C10orf67: variants seen among roughly 807,000 people sequenced by gnomAD.
C10orf67 encodes uncharacterized protein C10orf67, mitochondrial.
A neutral mutation model predicts 35.6 loss-of-function variants in C10orf67; 60 were observed. The observed-to-expected ratio is 1.68, with a 90% CI of 1.37 to 2.09. C10orf67 has a LOEUF of 2.09. C10orf67 is among the 30% of genes most tolerant of loss of function. The probability of loss-of-function intolerance (pLI) is 0.00; values close to 1 mark genes in which losing one functional copy is unlikely to be tolerated. For synonymous variants in C10orf67, 167 were observed against 115.8 expected (o/e 1.44, Z -2.84); for missense variants, 474 against 330.2 (o/e 1.44, Z -3.38).
At chr10:23,258,974 C>A (rs1842675249) in intron 10 of C10orf67, among the ~76,000 whole-genome samples, 1 of 152,198 alleles carries the variant, frequency 6.6e-6, no homozygotes, top group African/African-American at 2.4e-5. Context: ...TACTAGGTAA[C>A]TTATTTTTAA....
At chr10:23,256,623 G>A (rs572825445) in intron 10 of C10orf67, among the ~76,000 whole-genome samples, 5 of 151,868 alleles carry the variant, frequency 3.3e-5, no homozygotes, top group Admixed American at 2.6e-4. Flanking sequence ...GTTGGTGAGC[G>A]GGGCAGTCTG....
chr10:23,302,214 TTATAA>T (rs1455352110), intron 5 of C10orf67, among the ~76,000 whole-genome samples: 6 of 151,004 alleles, frequency 4.0e-5, no homozygotes, highest in East Asian at 3.9e-4. Context: ...ATATATCATA[TTATAA>T]TATATTATGA....
intron 12 of C10orf67, among the ~76,000 whole-genome samples, chr10:23,241,733 A>G (rs547402915): frequency 6.6e-6 from 1 of 152,314 alleles, no homozygotes; most frequent in East Asian, 1.9e-4. Flanking sequence ...GAAATAATAC[A>G]TGGAAAGATA....
chr10:23,270,742 A>G (rs1225724252), intron 8 of C10orf67, among the ~76,000 whole-genome samples: 2 of 152,230 alleles, frequency 1.3e-5, no homozygotes, highest in African/African-American at 2.4e-5. Context: ...CAGCTGTTCT[A>G]GCCCACCAGT....
chr10:23,233,242 T>C (rs1052888868), intron 13 of C10orf67, among the ~76,000 whole-genome samples: 2 of 152,242 alleles, frequency 1.3e-5, no homozygotes, highest in Non-Finnish European at 1.5e-5. Context: ...TCAAGAGAAA[T>C]TAATAAAATA....
chr10:23,329,244 A>G (rs1564517312), intron 2 of C10orf67, among the ~76,000 whole-genome samples: 3 of 152,006 alleles, frequency 2.0e-5, no homozygotes, highest in African/African-American at 4.8e-5. Context: ...AACATTAAAC[A>G]TTTAAAAAGG....
At chr10:23,267,300 T>TAA (rs1842909148) in intron 8 of C10orf67, 46 bp from the exon 9 acceptor site, 1 of 665,510 alleles carries the variant, frequency 1.5e-6, no homozygotes, top group Non-Finnish European at 2.7e-6. Context: ...CTGCAAAGAT[T>TAA]AAAAAAGACA....
At chr10:23,242,252 A>G (rs377354676) in intron 12 of C10orf67, among the ~76,000 whole-genome samples, 4 of 152,288 alleles carry the variant, frequency 2.6e-5, no homozygotes, top group African/African-American at 9.6e-5. Flanking sequence ...TACAAGCGTG[A>G]GCCACCATGC....
chr10:23,228,119 C>T (rs1049174679), intron 13 of C10orf67, among the ~76,000 whole-genome samples: 1 of 152,120 alleles, frequency 6.6e-6, no homozygotes, highest in African/African-American at 2.4e-5. Flanking sequence ...CAAAAAAGAG[C>T]CCTCATTGCC....
At chr10:23,273,461 A>G (rs888023199) in intron 8 of C10orf67, among the ~76,000 whole-genome samples, 5 of 152,162 alleles carry the variant, frequency 3.3e-5, no homozygotes, top group East Asian at 1.9e-4. Context: ...TATTCTTCCC[A>G]TGAACAAAAT....
chr10:23,342,506 G>A (rs1845936557), intron 1 of C10orf67, among the ~76,000 whole-genome samples: 1 of 152,086 alleles, frequency 6.6e-6, no homozygotes, highest in African/African-American at 2.4e-5. Context: ...GGCATCAGTG[G>A]TTCTTTTGTT....
At chr10:23,259,526 G>C (rs996599104) in intron 10 of C10orf67, among the ~76,000 whole-genome samples, 1 of 151,684 alleles carries the variant, frequency 6.6e-6, no homozygotes, top group African/African-American at 2.4e-5. Flanking sequence ...AAAAAGTCCA[G>C]GAAAAAAAAT....
chr10:23,214,243 C>G (rs1435614599), intron 15 of C10orf67, among the ~76,000 whole-genome samples: 1 of 151,936 alleles, frequency 6.6e-6, no homozygotes, highest in Non-Finnish European at 1.5e-5. Flanking sequence ...ATTTCTCTTT[C>G]AGAAAACATA....
At chr10:23,273,878 C>G (rs1843102153) in intron 8 of C10orf67, among the ~76,000 whole-genome samples, 1 of 152,176 alleles carries the variant, frequency 6.6e-6, no homozygotes, top group South Asian at 2.1e-4. Context: ...TGTTTTTACT[C>G]TGTATTGTTT....
At chr10:23,328,569 ACT>A (rs1400475347) in intron 2 of C10orf67, among the ~76,000 whole-genome samples, 1 of 151,988 alleles carries the variant, frequency 6.6e-6, no homozygotes, top group Non-Finnish European at 1.5e-5. Context: ...TACTGCACTA[ACT>A]CTGGATTCTC....
rs542812504 is a variant in C10orf67 at position 23,292,158 on chromosome 10, C to CTTTT, written c.703-883_703-880dup. Among the ~76,000 whole-genome samples, 39 of 69,286 alleles carry CTTTT rather than the reference C, an allele frequency of 5.6e-4. 2 individuals carry two copies. Among genetic ancestry groups the CTTTT allele is most frequent in the African/African-American group, 2.3e-3 (33 of 14,140 alleles). The allele number at this position is 69,286 out of a possible 152,430, so 45.5% of individuals were successfully genotyped here. On this transcript the variant is annotated intron_variant, in intron 5 of 15. Transcript: ENST00000636213. Reference sequence around the variant, plus strand: ...AGACGCGCTTATTGGGACAGCTACTCTTTTTTTTTTTTTTTTTTTTGCCTT... The same window carrying CTTTT: ...AGACGCGCTTATTGGGACAGCTACTCTTTTTTTTTTTTTTTTTTTTTTTTGCCTT...
In C10orf67 at chr10:23,280,736, G is replaced by T. The variant is rs191678910; in HGVS notation, c.975+1277C>A. Among the ~76,000 whole-genome samples the T allele has an allele frequency of 2.1e-3, 319 of 152,246 alleles. 3 individuals carry two copies. The highest frequency in any genetic ancestry group is 7.4e-3 in the African/African-American group (309 of 41,538). On this transcript the variant is annotated intron_variant, in intron 8 of 15. Coordinates refer to ENST00000636213, the MANE Select transcript of C10orf67 (RefSeq NM_001371909.1). The stretch of plus-strand genomic sequence containing the variant: ...CCCTGTGAGCAATACAATAGCACCC[G>T]TTAAAGGCTTACAGTTAAAATAAAG...
chr10:23,273,738 A>G (rs1334824108), intron 8 of C10orf67, among the ~76,000 whole-genome samples: 1 of 152,202 alleles, frequency 6.6e-6, no homozygotes, highest in African/African-American at 2.4e-5. Context: ...GTCCACAGTA[A>G]TTTTGAAATC....
intron 15 of C10orf67, among the ~76,000 whole-genome samples, chr10:23,207,158 T>C (rs1841182143): frequency 6.6e-6 from 1 of 152,092 alleles, no homozygotes; most frequent in Admixed American, 6.5e-5. Flanking sequence ...AGGCTTTTTT[T>C]TTTTTTTTGT....
Sources: allele counts gnomAD v4.1 joint callset (sites outside exome capture counted in the v4.1 genomes callset), GRCh38; gene constraint gnomAD v4.1.1; transcripts MANE v1.5; gene names NCBI Gene and HGNC (gene_info 2026-07-23, HGNC 2026-07-21).